Variants in INTS4 observed in about 807,000 individuals in gnomAD.
The protein encoded by INTS4 is integrator complex subunit 4, also known as MSTP093.
INTS4 carries 70 observed loss-of-function variants against 119.5 expected under a neutral mutation model. The observed-to-expected ratio is 0.59, with a 90% CI of 0.48 to 0.71. The LOEUF is 0.71. INTS4 is among the 30% of genes least tolerant of loss of function. INTS4 has a pLI of 0.00. For missense variants in INTS4, 867 were observed against 1,173.2 expected (o/e 0.74, Z 3.81); for synonymous variants, 316 against 419.6 (o/e 0.75, Z 3.02).
Position 77,891,356 on chromosome 11 carries a change from T to C in INTS4, c.2555A>G (p.Glu852Gly). ...VVALDVDATL[E>G]HVQDPQNTVK... ...AGTGTTCTGAGGATCCTGCACATGC[T>C]CCAGGGTTGCATCAACATCCAGGGC... is the stretch of plus-strand genomic sequence containing the variant. The change falls in exon 21 of 23, where the codon GAG (glutamate) becomes GGG (glycine). Residue 852 changes from glutamate to glycine, a missense_variant. Coordinates refer to ENST00000534064, the MANE Select transcript of INTS4 (RefSeq NM_033547.4). 6.2e-7 allele frequency: 1 copy of C among 1,610,968 alleles called. No homozygotes were observed.
chr11:77,964,413 A>T (rs185234131), intron 4 of INTS4, among the ~76,000 whole-genome samples: 3,565 of 151,630 alleles, frequency 0.024, 95 homozygotes, highest in African/African-American at 0.068. Flanking sequence ...TAAAAAAAAA[A>T]TACAAAAAAA....
At chr11:77,909,596 T>C (rs1456722200) in intron 15 of INTS4, among the ~76,000 whole-genome samples, 1 of 152,170 alleles carries the variant, frequency 6.6e-6, no homozygotes, top group East Asian at 1.9e-4. Flanking sequence ...TTGCAGTATA[T>C]GAATTTGGGG....
chr11:77,876,227 C>T (rs1200944649), downstream of INTS4, among the ~76,000 whole-genome samples: 2 of 152,130 alleles, frequency 1.3e-5, no homozygotes, highest in Non-Finnish European at 2.9e-5. Context: ...TGCTAGACCA[C>T]TCACTAAGAA....
chr11:77,891,838 T>C lies in INTS4; in HGVS notation c.2291A>G (p.Tyr764Cys), dbSNP rs1419331637. 14 of 1,611,166 alleles carry C rather than the reference T, an allele frequency of 8.7e-6. No individual in the cohort carries two copies. Among genetic ancestry groups the C allele is most frequent in the Non-Finnish European group, 1.2e-5 (14 of 1,179,220 alleles). The change falls in exon 20 of 23, where the codon TAT becomes TGT. Residue 764 changes from tyrosine to cysteine, a missense_variant and splice_region_variant. Physicochemically the swap from Tyr to Cys is radical, Grantham distance 194. Coordinates refer to ENST00000534064, the MANE Select transcript of INTS4 (RefSeq NM_033547.4). ...CAAGTGGGGCAAATCAGCGATGAAA[T>C]ACCTGGAGGAACAAACAGAAGCAAC... ...FLQEVDFFQRYFIADLPHLQD... is the reference protein window; with the variant it reads ...FLQEVDFFQRCFIADLPHLQD...
At chr11:77,979,364 A>T (rs941876745) in intron 3 of INTS4, among the ~76,000 whole-genome samples, 2 of 152,006 alleles carry the variant, frequency 1.3e-5, no homozygotes, top group Admixed American at 1.3e-4. Context: ...AGTCTCAGCT[A>T]CTTAGGAGGC....
intron 4 of INTS4, among the ~76,000 whole-genome samples, chr11:77,962,457 C>T (rs1954499067): frequency 6.6e-6 from 1 of 152,110 alleles, no homozygotes; most frequent in African/African-American, 2.4e-5. Context: ...AGTTTTCCTC[C>T]TGCATTACCC....
intron 12 of INTS4, chr11:77,922,838 C>G (rs1348679139): frequency 1.3e-5 from 4 of 298,292 alleles, no homozygotes; most frequent in Non-Finnish European, 2.6e-5. Context: ...CAATCCCATT[C>G]CCATTTTCCA....
chr11:77,929,185 A>G (rs1953585398), intron 10 of INTS4, among the ~76,000 whole-genome samples: 1 of 152,086 alleles, frequency 6.6e-6, no homozygotes. Flanking sequence ...CATATTTTAT[A>G]TATATATATA....
chr11:77,876,880 TAGA>T (rs1368454531), downstream of INTS4: 5 of 673,484 alleles, frequency 7.4e-6, no homozygotes, highest in East Asian at 2.7e-5. Context: ...ATTCTTCCCT[TAGA>T]AGGTTTTCTA....
At chr11:77,950,684 A>G (rs1954169422) in intron 8 of INTS4, among the ~76,000 whole-genome samples, 1 of 152,078 alleles carries the variant, frequency 6.6e-6, no homozygotes, top group Non-Finnish European at 1.5e-5. Flanking sequence ...GTATCAAAAC[A>G]TCAACTTGTG....
At chr11:77,930,638 G>A (rs1026072465) in intron 10 of INTS4, among the ~76,000 whole-genome samples, 7 of 152,070 alleles carry the variant, frequency 4.6e-5, no homozygotes, top group African/African-American at 1.2e-4. Flanking sequence ...TTGCCTGAAC[G>A]GCCAGACTAT....
chr11:77,918,399 A>G, intron 15 of INTS4: 1 of 187,356 alleles, frequency 5.3e-6, no homozygotes, highest in Non-Finnish European at 9.9e-6. Context: ...CCTGGGTGAC[A>G]GGGTGAGACC....
At chr11:77,887,834 A>G (rs1171389639) in intron 21 of INTS4, among the ~76,000 whole-genome samples, 3 of 152,212 alleles carry the variant, frequency 2.0e-5, no homozygotes, top group African/African-American at 4.8e-5. Flanking sequence ...TTGGTTCAAA[A>G]AGAATAAAAT....
intron 7 of INTS4, among the ~76,000 whole-genome samples, chr11:77,956,517 G>A (rs1301228900): frequency 1.3e-5 from 2 of 151,984 alleles, no homozygotes; most frequent in African/African-American, 4.8e-5. Context: ...GACCAGCCTG[G>A]CCAACATGGC....
At chr11:77,960,067 A>G (rs949308323) in intron 6 of INTS4, among the ~76,000 whole-genome samples, 2 of 152,258 alleles carry the variant, frequency 1.3e-5, no homozygotes, top group South Asian at 4.2e-4. Context: ...CTTATTCTAA[A>G]TGCTACACTT....
At chr11:77,942,736 G>C (rs1325491000) in intron 8 of INTS4, among the ~76,000 whole-genome samples, 1 of 152,176 alleles carries the variant, frequency 6.6e-6, no homozygotes, top group Non-Finnish European at 1.5e-5. Flanking sequence ...GGCTGTTGGA[G>C]CAGGTCCTAG....
At chr11:77,903,995 T>C (rs1025568382) in intron 16 of INTS4, among the ~76,000 whole-genome samples, 4 of 152,240 alleles carry the variant, frequency 2.6e-5, no homozygotes, top group Admixed American at 6.5e-5. Context: ...TACTTCTTCC[T>C]TAACTGTGGT....
At chr11:77,969,090 C>T (rs1188691612) in intron 4 of INTS4, among the ~76,000 whole-genome samples, 1 of 151,980 alleles carries the variant, frequency 6.6e-6, no homozygotes, top group African/African-American at 2.4e-5. Flanking sequence ...ATTACCACCA[C>T]ACCCGGCTAA....
At chr11:77,946,876 A>G (rs7107903) in intron 8 of INTS4, among the ~76,000 whole-genome samples, 19,656 of 147,192 alleles carry the variant, frequency 0.13, 1,467 homozygotes, top group East Asian at 0.26. Context: ...GTAAGATACA[A>G]GAGAATACAG....
Sources: allele counts gnomAD v4.1 joint callset (sites outside exome capture counted in the v4.1 genomes callset), GRCh38; gene constraint gnomAD v4.1.1; transcripts MANE v1.5; gene names NCBI Gene and HGNC (gene_info 2026-07-23, HGNC 2026-07-21).